Variants in USP34 observed in about 807,000 individuals in gnomAD.
USP34 encodes ubiquitin specific peptidase 34.
Under a neutral mutation model 460.3 loss-of-function variants are expected in USP34, and 70 were observed. That is an observed-to-expected ratio of 0.15 (90% CI 0.13 to 0.19). The LOEUF (loss-of-function observed/expected upper bound fraction) is 0.19, where lower values mean the gene tolerates loss of function less well. Among genes scored for constraint, USP34 ranks in the 10% least tolerant of loss-of-function variants. The pLI, the probability that USP34 is intolerant of heterozygous loss-of-function variation, is 1.00. For synonymous variants in USP34, 1,647 were observed against 1,405.3 expected (o/e 1.17, Z -3.85); for missense variants, 3,985 against 4,236.2 (o/e 0.94, Z 1.65).
At chr2:61,289,824 TAAAAC>T (rs1457875521) in intron 33 of USP34, among the ~76,000 whole-genome samples, 1 of 152,038 alleles carries the variant, frequency 6.6e-6, no homozygotes, top group Non-Finnish European at 1.5e-5. Context: ...GAAAAGACTA[TAAAAC>T]TTACAGAAAG....
At chr2:61,386,406 T>G (rs531406160) in intron 5 of USP34, among the ~76,000 whole-genome samples, 23 of 152,250 alleles carry the variant, frequency 1.5e-4, no homozygotes, top group African/African-American at 5.5e-4. Context: ...TAAATAAAAA[T>G]GTATTGCAGT....
chr2:61,385,279 T>C (rs1693102084), intron 5 of USP34, among the ~76,000 whole-genome samples: 1 of 152,134 alleles, frequency 6.6e-6, no homozygotes, highest in Non-Finnish European at 1.5e-5. Context: ...ATAATAGTTC[T>C]CCCGAAATTC....
chr2:61,393,690 A>G (rs1442686504), intron 5 of USP34, among the ~76,000 whole-genome samples: 1 of 152,198 alleles, frequency 6.6e-6, no homozygotes, highest in Non-Finnish European at 1.5e-5. Flanking sequence ...GATAATTTAA[A>G]TATCTGATAT....
At chr2:61,195,396 G>A (rs1273085617) in intron 75 of USP34, among the ~76,000 whole-genome samples, 1 of 149,306 alleles carries the variant, frequency 6.7e-6, no homozygotes, top group Non-Finnish European at 1.5e-5. Flanking sequence ...CAGCCAGGCT[G>A]GGCATAGTGG....
chr2:61,463,834 CAAA>C (rs532688800), intron 1 of USP34, among the ~76,000 whole-genome samples: 2 of 120,716 alleles, frequency 1.7e-5, no homozygotes, highest in South Asian at 5.5e-4. Flanking sequence ...AATTCCTTTT[CAAA>C]AAAAAAAAAA....
chr2:61,332,768 C>G (rs1163761001), intron 19 of USP34, among the ~76,000 whole-genome samples: 1 of 151,924 alleles, frequency 6.6e-6, no homozygotes, highest in Admixed American at 6.5e-5. Context: ...AAAAACAGAA[C>G]CTTCACTGGA....
chr2:61,469,908 A>T (rs1695896765), intron 1 of USP34, among the ~76,000 whole-genome samples: 1 of 152,218 alleles, frequency 6.6e-6, no homozygotes, highest in Non-Finnish European at 1.5e-5. Context: ...TTTTAATAAT[A>T]AAAAGTAAAG....
At chr2:61,397,172 G>A (rs1693555008) in intron 3 of USP34, among the ~76,000 whole-genome samples, 1 of 152,136 alleles carries the variant, frequency 6.6e-6, no homozygotes, top group African/African-American at 2.4e-5. Flanking sequence ...GCCGGGCATG[G>A]TGGCTCACAT....
chr2:61,447,643 A>T (rs1238922737), intron 1 of USP34, among the ~76,000 whole-genome samples: 1 of 152,194 alleles, frequency 6.6e-6, no homozygotes, highest in East Asian at 1.9e-4. Context: ...ATATGAACTC[A>T]TTTCATCACA....
Position 61,406,044 on chromosome 2 carries a change from G to A in USP34, c.216C>T (p.Ala72=), listed in dbSNP as rs1224187046. 3 of 1,613,142 alleles carry A rather than the reference G, an allele frequency of 1.9e-6. No homozygotes were observed. The highest frequency in any genetic ancestry group is 1.7e-6 in the Non-Finnish European group (2 of 1,179,916). Residue 72 remains alanine (A), a synonymous_variant, in exon 3 of 80, where the codon GCC becomes GCT. Transcript: ENST00000398571. ...VVCALINLVI[A]QVQVLRDQLC... is the part of the protein sequence containing the mutation. ...GCTGGTCCCGGAGCACTTGAACTTG[G>A]GCAATCACTAAGTTAATAAGTGCAC...
chr2:61,217,254 T>C (rs750589986), intron 67 of USP34, among the ~76,000 whole-genome samples: 13 of 152,210 alleles, frequency 8.5e-5, no homozygotes, highest in Non-Finnish European at 1.8e-4. Context: ...TCCTATAACT[T>C]AAGAGTCCTG....
At chr2:61,387,301 A>C (rs1400975074) in intron 5 of USP34, among the ~76,000 whole-genome samples, 1 of 151,938 alleles carries the variant, frequency 6.6e-6, no homozygotes, top group Non-Finnish European at 1.5e-5. Context: ...CATCTCTACT[A>C]AAAGTACAAA....
At chr2:61,398,062 C>G (rs984774405) in intron 3 of USP34, among the ~76,000 whole-genome samples, 1 of 151,850 alleles carries the variant, frequency 6.6e-6, no homozygotes, top group Non-Finnish European at 1.5e-5. Context: ...CAGAGCGAGA[C>G]TCCGCCTCCA....
intron 51 of USP34, among the ~76,000 whole-genome samples, chr2:61,243,773 A>G (rs1432387501): frequency 6.6e-6 from 1 of 151,754 alleles, no homozygotes; most frequent in Non-Finnish European, 1.5e-5. Context: ...CGGGAGGCCG[A>G]GGCAGGAGAA....
intron 41 of USP34, among the ~76,000 whole-genome samples, chr2:61,276,784 A>G (rs913410852): frequency 2.0e-5 from 3 of 152,188 alleles, no homozygotes; most frequent in African/African-American, 7.2e-5. Context: ...ATAGCACAAG[A>G]AGGAGTTTTG....
intron 43 of USP34, among the ~76,000 whole-genome samples, chr2:61,261,426 C>A (rs528361906): frequency 3.9e-4 from 59 of 152,254 alleles, no homozygotes; most frequent in African/African-American, 1.4e-3. Flanking sequence ...ACAAATCTGA[C>A]TCCACTTATA....
rs1429888094 is a variant in USP34, at chr2:61,229,553, T to C, written c.7194A>G (p.Glu2398=). 1.9e-6 allele frequency: 3 copies of C among 1,607,060 alleles called. No homozygotes were observed. Among genetic ancestry groups the C allele is most frequent in the Non-Finnish European group, 1.7e-6 (2 of 1,176,832 alleles). The change falls in exon 59 of 80, where the codon GAA becomes GAG. Residue 2398 remains glutamate (E), a synonymous_variant. Coordinates refer to ENST00000398571, the MANE Select transcript of USP34 (RefSeq NM_014709.4). ...ATTCAAAAAGTACTTCTTACCCATC[T>C]TCCATTCCTGGCTGCAAATAGAGAT... ...HAHLYLQPGM[E]DGSDDMDTSV...
chr2:61,345,225 G>A (rs573250088), intron 15 of USP34, among the ~76,000 whole-genome samples: 238 of 152,036 alleles, frequency 1.6e-3, no homozygotes, highest in African/African-American at 5.5e-3. Flanking sequence ...AGTGAGCCAG[G>A]ATCGTGCCAC....
intron 49 of USP34, among the ~76,000 whole-genome samples, chr2:61,247,883 A>T (rs1160075358): frequency 1.3e-5 from 2 of 151,966 alleles, no homozygotes; most frequent in Non-Finnish European, 2.9e-5. Context: ...CACCCTTCCT[A>T]AAGAAGGATA....
Sources: allele counts gnomAD v4.1 joint callset (sites outside exome capture counted in the v4.1 genomes callset), GRCh38; gene constraint gnomAD v4.1.1; transcripts MANE v1.5; gene names NCBI Gene and HGNC (gene_info 2026-07-23, HGNC 2026-07-21).